RIMBP2: variants seen among roughly 807,000 people sequenced by gnomAD.
The protein encoded by RIMBP2 is RIMS binding protein 2, also known as RIMS-binding protein 2.
A neutral mutation model predicts 118.6 loss-of-function variants in RIMBP2; 48 were observed. The ratio of observed to expected loss-of-function variants is 0.40; its 90% confidence interval spans 0.32 to 0.51. The LOEUF (loss-of-function observed/expected upper bound fraction) is 0.51. Ranked by LOEUF, RIMBP2 falls within the 20% of genes least tolerant of loss-of-function variation. RIMBP2 has a pLI of 0.41. For missense variants in RIMBP2, 1,551 were observed against 1,768.3 expected (o/e 0.88, Z 2.20); for synonymous variants, 762 against 742.9 (o/e 1.03, Z -0.42).
chr12:130,441,845 C>A lies in RIMBP2; in HGVS notation c.1504+3G>T, dbSNP rs376423899. ...GGGACCCACGGAAGGACACAGGGCT[C>A]ACCTGCAGGCAACGTGGAGAACTCC... On this transcript the variant is annotated splice_donor_region_variant and intron_variant, in intron 11 of 22. Transcript: ENST00000690449. 6.2e-7 allele frequency: 1 copy of A among 1,612,758 alleles called. No homozygotes were observed. Among genetic ancestry groups the A allele is most frequent in the Non-Finnish European group, 8.5e-7 (1 of 1,179,440 alleles).
intron 5 of RIMBP2, among the ~76,000 whole-genome samples, chr12:130,472,593 A>G (rs2081099129): frequency 6.6e-6 from 1 of 152,236 alleles, no homozygotes; most frequent in Non-Finnish European, 1.5e-5. Flanking sequence ...TATTTCCTCT[A>G]GCTGCCTGGA....
intron 2 of RIMBP2, among the ~76,000 whole-genome samples, chr12:130,522,724 G>C (rs1416437691): frequency 6.6e-6 from 1 of 152,126 alleles, no homozygotes; most frequent in Non-Finnish European, 1.5e-5. Flanking sequence ...GGAGGAGGAG[G>C]TGGGTTTCCA....
At position 130,549,445 on chromosome 12, in the gene RIMBP2, G is replaced by A. The variant is rs77844089; in HGVS notation, c.-216-31528C>T. On this transcript the variant is annotated intron_variant, in intron 2 of 22. Transcript: ENST00000690449. The stretch of plus-strand genomic sequence containing the variant: ...TAAACTCATATCACAGGGGCTTGTC[G>A]TACAGATTATGTCATCACCCAGGAA... 4.7e-4 allele frequency among the ~76,000 whole-genome samples: 72 copies of A among 152,210 alleles called. No individual in the cohort carries two copies. In the East Asian group the frequency reaches 8.9e-3, roughly 19 times the overall value.
chr12:130,662,587 T>C (rs1047816673), intron 1 of RIMBP2, among the ~76,000 whole-genome samples: 1 of 151,376 alleles, frequency 6.6e-6, no homozygotes, highest in Non-Finnish European at 1.5e-5. Context: ...ACCCGGAAGG[T>C]GGAGGTTGCA....
At position 130,454,231 on chromosome 12, in the gene RIMBP2, C is replaced by A. The variant is rs139425705; in HGVS notation, c.358+2265G>T. ...ATTTCACAATTGATTTATGTTACAT[C>A]GGATCAAGTTGTATACCTTAAATAT... On this transcript the variant is annotated intron_variant, in intron 7 of 22. Transcript: ENST00000690449. Among the ~76,000 whole-genome samples, 1,101 of 152,290 alleles carry A rather than the reference C, an allele frequency of 7.2e-3. 12 individuals carry two copies. The highest frequency in any genetic ancestry group is 0.024 in the African/African-American group (998 of 41,548).
At chr12:130,495,504 G>A (rs147324222) in intron 4 of RIMBP2, among the ~76,000 whole-genome samples, 333 of 152,260 alleles carry the variant, frequency 2.2e-3, no homozygotes, top group African/African-American at 7.4e-3. Context: ...GCTCATCACC[G>A]TCTTCCTCCG....
intron 11 of RIMBP2, among the ~76,000 whole-genome samples, chr12:130,439,230 AG>A (rs2077811848): frequency 6.6e-6 from 1 of 151,784 alleles, no homozygotes; most frequent in Non-Finnish European, 1.5e-5. Flanking sequence ...GTTTGTGTGT[AG>A]ATGTATATGT....
At chr12:130,714,362 C>T (rs1950178520) in intron 1 of RIMBP2, among the ~76,000 whole-genome samples, 1 of 152,250 alleles carries the variant, frequency 6.6e-6, no homozygotes, top group African/African-American at 2.4e-5. Context: ...GAGGCTTCTC[C>T]ACCACCCACG....
At chr12:130,562,416 T>G (rs1408309429) in intron 2 of RIMBP2, among the ~76,000 whole-genome samples, 1 of 152,244 alleles carries the variant, frequency 6.6e-6, no homozygotes, top group Non-Finnish European at 1.5e-5. Flanking sequence ...GGACCCTACC[T>G]GGCAAGTGCC....
intron 1 of RIMBP2, among the ~76,000 whole-genome samples, chr12:130,714,912 G>T (rs1445016251): frequency 1.3e-5 from 2 of 152,222 alleles, no homozygotes; most frequent in Non-Finnish European, 2.9e-5. Context: ...GGCCATGTGC[G>T]TGGGGGAGGT....
At chr12:130,613,274 G>A (rs1258094574) in intron 2 of RIMBP2, among the ~76,000 whole-genome samples, 1 of 152,200 alleles carries the variant, frequency 6.6e-6, no homozygotes. Flanking sequence ...CCAATTGTGG[G>A]AGCTGCGACC....
At chr12:130,531,092 T>C (rs988413317) in intron 2 of RIMBP2, among the ~76,000 whole-genome samples, 1 of 152,200 alleles carries the variant, frequency 6.6e-6, no homozygotes, top group Non-Finnish European at 1.5e-5. Flanking sequence ...TAGATCCAAA[T>C]CTATCTTCTG....
Position 130,610,893 on chromosome 12 carries a change from C to G in RIMBP2, c.-217+17429G>C, listed in dbSNP as rs567885926. 9.2e-5 allele frequency among the ~76,000 whole-genome samples: 14 copies of G among 152,324 alleles called. No homozygotes were observed. The East Asian group carries it at 2.7e-3, about 29-fold the overall frequency. On this transcript the variant is annotated intron_variant, in intron 2 of 22. Coordinates refer to ENST00000690449, the MANE Select transcript of RIMBP2 (RefSeq NM_001393629.1). Reference sequence around the variant, plus strand: ...GCTTTAAATTCACTGTCACCTCCCCCCAGTAACACCTGCAATGTCTCAGAA... The same window carrying G: ...GCTTTAAATTCACTGTCACCTCCCCGCAGTAACACCTGCAATGTCTCAGAA...
chr12:130,450,489 C>T lies in RIMBP2; in HGVS notation c.505-213G>A, dbSNP rs2078907792. Among the ~76,000 whole-genome samples, 1 of 151,940 alleles carries T rather than the reference C, an allele frequency of 6.6e-6. No homozygotes were observed. Among genetic ancestry groups the T allele is most frequent in the African/African-American group, 2.4e-5 (1 of 41,360 alleles). ...GGTGTGGACCCCTTATTACATAGGC[C>T]CCCTCTGTGTTTGTAGAGAACCCAG... On this transcript the variant is annotated intron_variant, in intron 8 of 22. Transcript: ENST00000690449. The surrounding 1 kb of genome is among the most constrained non-coding windows in gnomAD (Gnocchi z 4.8).
intron 4 of RIMBP2, among the ~76,000 whole-genome samples, chr12:130,499,535 T>A (rs150878707): frequency 6.6e-6 from 1 of 152,136 alleles, no homozygotes; most frequent in East Asian, 1.9e-4. Flanking sequence ...CTCCAAGTCA[T>A]CTCCCTCATC....
chr12:130,434,298 G>T lies in RIMBP2; in HGVS notation c.2253+436C>A, dbSNP rs543205326. Among the ~76,000 whole-genome samples, 2 of 152,160 alleles carry T rather than the reference G, an allele frequency of 1.3e-5. No individual in the cohort carries two copies. Among genetic ancestry groups the T allele is most frequent in the Non-Finnish European group, 2.9e-5 (2 of 68,036 alleles). ...TCTTCCTCATGAGCCCAGCTCTGCC[G>T]TTTTGCTGTTCTGAAGGACGAACAC... On this transcript the variant is annotated intron_variant, in intron 14 of 22. Transcript: ENST00000690449. This position sits in a 1 kb window ranked among gnomAD's most constrained non-coding sequence, Gnocchi z 5.7.
chr12:130,712,988 G>A (rs748739594), intron 1 of RIMBP2, among the ~76,000 whole-genome samples: 3 of 151,708 alleles, frequency 2.0e-5, no homozygotes, highest in South Asian at 2.1e-4. Flanking sequence ...ACACAGGAGC[G>A]TGGCCCAGTG....
chr12:130,571,627 C>T (rs2057668721), intron 2 of RIMBP2, among the ~76,000 whole-genome samples: 1 of 152,028 alleles, frequency 6.6e-6, no homozygotes, highest in African/African-American at 2.4e-5. Context: ...ACCATGTTGG[C>T]CAGGCTGATC....
intron 10 of RIMBP2, among the ~76,000 whole-genome samples, chr12:130,444,754 G>A (rs538426333): frequency 3.0e-4 from 46 of 152,312 alleles, no homozygotes; most frequent in African/African-American, 9.6e-4. Flanking sequence ...CCACCTTCCC[G>A]TGAGGTCACC....
Sources: allele counts gnomAD v4.1 joint callset (sites outside exome capture counted in the v4.1 genomes callset), GRCh38; gene constraint gnomAD v4.1.1; non-coding constraint Gnocchi (gnomAD v3.1); transcripts MANE v1.5; gene names NCBI Gene and HGNC (gene_info 2026-07-23, HGNC 2026-07-21).